TRPM7: variants seen among roughly 807,000 people sequenced by gnomAD.
The protein encoded by TRPM7 is LTRPC ion channel family member 7.
In TRPM7, 134 loss-of-function variants were observed where a neutral mutation model predicts 229.7. That is an observed-to-expected ratio of 0.58 (90% CI 0.51 to 0.67). The LOEUF (loss-of-function observed/expected upper bound fraction) is 0.67, where lower values mean the gene tolerates loss of function less well. TRPM7 is among the 30% of genes least tolerant of loss of function. TRPM7 has a pLI of 0.00. For synonymous variants in TRPM7, 699 were observed against 715.2 expected (o/e 0.98, Z 0.36); for missense variants, 1,901 against 2,210.0 (o/e 0.86, Z 2.80).
At chr15:50,680,872 T>C (rs951666620) in intron 1 of TRPM7, among the ~76,000 whole-genome samples, 5 of 152,230 alleles carry the variant, frequency 3.3e-5, no homozygotes, top group African/African-American at 7.2e-5. Context: ...CTTGTGACCG[T>C]TGGCAAGTGA....
At chr15:50,644,461 C>A (rs2061198948) in intron 4 of TRPM7, among the ~76,000 whole-genome samples, 1 of 152,112 alleles carries the variant, frequency 6.6e-6, no homozygotes, top group Non-Finnish European at 1.5e-5. Flanking sequence ...ATTTCCCATT[C>A]CTTTACAAAG....
At chr15:50,636,320 A>AG (rs1189673964) in intron 7 of TRPM7, among the ~76,000 whole-genome samples, 1 of 151,964 alleles carries the variant, frequency 6.6e-6, no homozygotes, top group Non-Finnish European at 1.5e-5. Flanking sequence ...CCTCCCAAGA[A>AG]GCTGGGACTA....
chr15:50,585,501 T>C (rs1034918133), intron 28 of TRPM7, among the ~76,000 whole-genome samples: 1 of 152,250 alleles, frequency 6.6e-6, no homozygotes, highest in Non-Finnish European at 1.5e-5. Context: ...TAATTTTTTG[T>C]TGATATCCTT....
rs559239700 is a variant in TRPM7 at position 50,574,816 on chromosome 15, A to G, written c.5019+36T>C. ...TCAGAAGTTAAAATATAAAGCTTAA[A>G]TTATGTTCCACTATTAAATATTCAC... On this transcript the variant is annotated intron_variant, in intron 34 of 38. Transcript: ENST00000646667. The G allele has an allele frequency of 6.5e-5, 103 of 1,595,282 alleles. No homozygotes were observed. The East Asian group carries it at 2.2e-3, about 34-fold the overall frequency.
At chr15:50,627,888 G>A (rs1163238357) in intron 11 of TRPM7, among the ~76,000 whole-genome samples, 1 of 152,098 alleles carries the variant, frequency 6.6e-6, no homozygotes. Flanking sequence ...TGGACTCTCT[G>A]GTATACAGAG....
At chr15:50,668,838 A>G (rs2061935418) in intron 1 of TRPM7, among the ~76,000 whole-genome samples, 1 of 152,152 alleles carries the variant, frequency 6.6e-6, no homozygotes, top group South Asian at 2.1e-4. Flanking sequence ...GTGCAGTAAG[A>G]ATCGGTTTTC....
At chr15:50,664,072 G>A (rs189257596) in intron 1 of TRPM7, among the ~76,000 whole-genome samples, 6 of 152,240 alleles carry the variant, frequency 3.9e-5, no homozygotes, top group African/African-American at 1.4e-4. Context: ...GGCTGAGGTG[G>A]GCGGATCACA....
intron 1 of TRPM7, among the ~76,000 whole-genome samples, chr15:50,679,536 A>ATTT (rs1269564931): frequency 2.0e-5 from 1 of 48,956 alleles, no homozygotes; most frequent in African/African-American, 1.4e-4. Context: ...ATATATATAT[A>ATTT]TATTTTTTTT....
chr15:50,684,300 C>A (rs913141726), intron 1 of TRPM7, among the ~76,000 whole-genome samples: 1 of 151,790 alleles, frequency 6.6e-6, no homozygotes, highest in African/African-American at 2.4e-5. Context: ...TTACCACGCC[C>A]GATTACTGAT....
intron 1 of TRPM7, among the ~76,000 whole-genome samples, chr15:50,679,090 T>TACTTGGGAGG (rs1169395396): frequency 2.0e-5 from 3 of 150,368 alleles, no homozygotes; most frequent in South Asian, 2.1e-4. Flanking sequence ...GCCAGGATGG[T>TACTTGGGAGG]CTCGATCTCT....
rs1596184106 is a variant in TRPM7 at position 50,610,063 on chromosome 15, C to A, written c.2281-102G>T. ...AAAAACAATAAAAGATTTTAAATAT[C>A]TTGTGATTAGCCATTTTGCCCCTAG... On this transcript the variant is annotated intron_variant, in intron 17 of 38. Transcript: ENST00000646667. 1.6e-5 allele frequency: 15 copies of A among 926,096 alleles called. No homozygotes were observed. In the South Asian group the frequency reaches 3.6e-4, roughly 22 times the overall value. The allele number at this position is 926,096 out of a possible 1,614,324, so 57.4% of individuals were successfully genotyped here. A position where few individuals can be genotyped will look rare whatever the true frequency, so the allele number is the denominator to read the frequency against.
chr15:50,686,614 G>T lies in TRPM7; in HGVS notation c.-81C>A. Reference sequence around the variant, plus strand: ...GGCCTGTAGCCATCTATCGGGAAGCGTCTCCGGAGGCGGCAGCAGAGGCCG... The same window carrying T: ...GGCCTGTAGCCATCTATCGGGAAGCTTCTCCGGAGGCGGCAGCAGAGGCCG... On this transcript the variant is annotated 5_prime_UTR_variant, in exon 1 of 39. Transcript: ENST00000646667. The T allele has an allele frequency of 6.4e-7, 1 of 1,568,878 alleles. No individual in the cohort carries two copies. Among genetic ancestry groups the T allele is most frequent in the Non-Finnish European group, 8.6e-7 (1 of 1,157,868 alleles).
chr15:50,562,014 C>T (rs2053338069), intron 38 of TRPM7, among the ~76,000 whole-genome samples: 1 of 152,136 alleles, frequency 6.6e-6, no homozygotes, highest in Non-Finnish European at 1.5e-5. Flanking sequence ...CCTACCTCAG[C>T]CTCCCAAATA....
intron 36 of TRPM7, 104 bp downstream of exon 36, chr15:50,574,170 G>C (rs1217360955): frequency 1.1e-6 from 1 of 908,506 alleles, no homozygotes; most frequent in Non-Finnish European, 1.7e-6. Context: ...GCTTCTATTG[G>C]CCTAAGATTT....
chr15:50,639,414 T>C lies in TRPM7; in HGVS notation c.660+10A>G. 1 of 1,561,442 alleles carries C rather than the reference T, an allele frequency of 6.4e-7. No homozygotes were observed. Among genetic ancestry groups the C allele is most frequent in the South Asian group, 1.2e-5 (1 of 80,004 alleles). Reference sequence around the variant, plus strand: ...TTTCAAACATAAGAAATTTTAAAAATAATTCTTACATCTCTCCCAACAAGA... The same window carrying C: ...TTTCAAACATAAGAAATTTTAAAAACAATTCTTACATCTCTCCCAACAAGA... On this transcript the variant is annotated intron_variant, in intron 6 of 38. Coordinates refer to ENST00000646667, the MANE Select transcript of TRPM7 (RefSeq NM_017672.6).
intron 1 of TRPM7, among the ~76,000 whole-genome samples, chr15:50,667,834 T>G (rs892731215): frequency 6.6e-5 from 10 of 152,242 alleles, no homozygotes; most frequent in African/African-American, 2.4e-4. Context: ...ATTTGGCTTA[T>G]TGACATAAAA....
chr15:50,677,575 C>T (rs1382088146), intron 1 of TRPM7, among the ~76,000 whole-genome samples: 3 of 151,416 alleles, frequency 2.0e-5, no homozygotes, highest in Non-Finnish European at 4.4e-5. Flanking sequence ...CCCATCCCTA[C>T]TAAAAACACA....
chr15:50,662,470 A>T (rs1334416175), intron 2 of TRPM7, among the ~76,000 whole-genome samples: 1 of 152,228 alleles, frequency 6.6e-6, no homozygotes, highest in Non-Finnish European at 1.5e-5. Context: ...CCAAAGACAC[A>T]GACACCTATA....
At chr15:50,572,682 C>CA (rs1387150654) in intron 36 of TRPM7, among the ~76,000 whole-genome samples, 1 of 152,178 alleles carries the variant, frequency 6.6e-6, no homozygotes, top group Non-Finnish European at 1.5e-5. Context: ...TAATGGACAT[C>CA]AGAGAGTTTT....
Sources: gnomAD v4.1 joint callset for allele counts (sites outside exome capture counted in the v4.1 genomes callset) on GRCh38, gnomAD v4.1.1 for gene constraint, MANE v1.5 for transcripts, NCBI Gene and HGNC (gene_info 2026-07-23, HGNC 2026-07-21) for gene names.